SORBS2: variants seen among roughly 807,000 people sequenced by gnomAD.
SORBS2 encodes sorbin and SH3 domain containing 2.
A neutral mutation model predicts 97.7 loss-of-function variants in SORBS2; 46 were observed. The ratio of observed to expected loss-of-function variants is 0.47; its 90% CI spans 0.37 to 0.60. The LOEUF (loss-of-function observed/expected upper bound fraction) is 0.60. Ranked by LOEUF, SORBS2 falls within the 20% of genes least tolerant of loss-of-function variation. SORBS2 has a pLI of 0.00. For missense variants in SORBS2, 1,316 were observed against 1,282.3 expected, an observed-to-expected ratio of 1.03 and a Z score of -0.40; for synonymous variants, 476 against 473.4, an observed-to-expected ratio of 1.01 and a Z score of -0.07.
chr4:185,795,273 A>G (rs35944848), intron 1 of SORBS2, among the ~76,000 whole-genome samples: 17,504 of 152,122 alleles, frequency 0.12, 1,261 homozygotes, highest in Non-Finnish European at 0.16. Flanking sequence ...TGAGACTCCA[A>G]TCTCACATCC....
intron 1 of SORBS2, among the ~76,000 whole-genome samples, chr4:185,924,442 T>A (rs2099262504): frequency 6.6e-6 from 1 of 152,234 alleles, no homozygotes; most frequent in Non-Finnish European, 1.5e-5. Flanking sequence ...AAGAAACATT[T>A]CTTGCCTAGC....
chr4:185,723,293 C>T (rs934611822), intron 2 of SORBS2, among the ~76,000 whole-genome samples: 4 of 152,192 alleles, frequency 2.6e-5, no homozygotes, highest in Admixed American at 2.6e-4. Flanking sequence ...GAGACAAGGA[C>T]TGTTTCACTC....
chr4:185,678,420 T>C lies in SORBS2; in HGVS notation c.-46+3A>G, dbSNP rs1342522940. 6.5e-7 allele frequency: 1 copy of C among 1,549,270 alleles called. No individual in the cohort carries two copies. The highest frequency in any genetic ancestry group is 1.4e-5 in the African/African-American group (1 of 73,004). On this transcript the variant is annotated splice_donor_region_variant and intron_variant, in intron 4 of 20. Coordinates refer to the SORBS2 transcript ENST00000284776. The stretch of plus-strand genomic sequence containing the variant: ...TGCAGTAGCCAAGAGTGTGCAGGGT[T>C]ACCTGAGTTGGTGATCTTTTATCTT...
At chr4:185,825,547 A>C (rs1365567684) in intron 1 of SORBS2, among the ~76,000 whole-genome samples, 1 of 152,228 alleles carries the variant, frequency 6.6e-6, no homozygotes, top group Non-Finnish European at 1.5e-5. Flanking sequence ...AGTCGATCAG[A>C]AGGAAATGGT....
At chr4:185,789,045 G>T (rs2099068877) in intron 1 of SORBS2, among the ~76,000 whole-genome samples, 1 of 152,168 alleles carries the variant, frequency 6.6e-6, no homozygotes, top group South Asian at 2.1e-4. Flanking sequence ...ATGATTCCTG[G>T]GCCGCAGAAC....
At chr4:185,680,756 A>C (rs1046312702) in intron 2 of SORBS2, among the ~76,000 whole-genome samples, 1 of 152,072 alleles carries the variant, frequency 6.6e-6, no homozygotes. Flanking sequence ...GAGAAAGAAG[A>C]AGGTGTACTG....
chr4:185,638,117 AG>A (rs760432185), intron 4 of SORBS2: 23 of 1,611,804 alleles, frequency 1.4e-5, no homozygotes, highest in Non-Finnish European at 1.9e-5. Context: ...AATTTATACC[AG>A]GGCTCATTTT....
intron 11 of SORBS2, among the ~76,000 whole-genome samples, chr4:185,613,387 C>T (rs1255083499): frequency 1.3e-5 from 2 of 152,158 alleles, no homozygotes; most frequent in Non-Finnish European, 2.9e-5. Context: ...CAATCGCTCA[C>T]GCCTGTAATC....
rs376698895 is a variant in SORBS2, at chr4:185,954,119, G to C, written c.-338+2077C>G. Among the ~76,000 whole-genome samples, 236 of 152,100 alleles carry C rather than the reference G, an allele frequency of 1.6e-3. 3 individuals carry two copies. Among genetic ancestry groups the C allele is most frequent in the African/African-American group, 5.3e-3 (220 of 41,466 alleles). ...TAGATTTTATATATCTCAGGTATAA[G>C]GACACTTCTTATCATCCAAGATACC... On this transcript the variant is annotated intron_variant, in intron 1 of 20. Coordinates refer to the SORBS2 transcript ENST00000284776.
At chr4:185,862,775 C>G (rs1310084172) in intron 1 of SORBS2, among the ~76,000 whole-genome samples, 1 of 152,238 alleles carries the variant, frequency 6.6e-6, no homozygotes, top group African/African-American at 2.4e-5. Context: ...CCTTCAACCT[C>G]AGGTCCCCCT....
In SORBS2 at chr4:185,715,078, A is replaced by G. The variant is rs995179399; in HGVS notation, c.-197-36256T>C. ...CGACAGATTTTTTAAAAATATCAAC[A>G]TTTTCTCATTAATCTCCATGAATTT... On this transcript the variant is annotated intron_variant, in intron 2 of 20. Coordinates refer to the SORBS2 transcript ENST00000284776. Among the ~76,000 whole-genome samples, 3 of 152,220 alleles carry G rather than the reference A, an allele frequency of 2.0e-5. No individual in the cohort carries two copies. The East Asian group carries it at 5.8e-4, about 29-fold the overall frequency.
chr4:185,678,487 G>A, exon 4 of SORBS2: 1 of 1,550,672 alleles, frequency 6.4e-7, no homozygotes, highest in Non-Finnish European at 8.7e-7. Context: ...TGCTGCAAGA[G>A]AGGAATATGT....
chr4:185,806,457 T>A (rs1312371879), intron 1 of SORBS2, among the ~76,000 whole-genome samples: 1 of 98,858 alleles, frequency 1.0e-5, no homozygotes, highest in Non-Finnish European at 2.1e-5. Flanking sequence ...TTTTTTTTTT[T>A]TTTTTTTTTT....
chr4:185,759,102 CG>C (rs1174588575), intron 2 of SORBS2, among the ~76,000 whole-genome samples: 2 of 152,118 alleles, frequency 1.3e-5, no homozygotes, highest in African/African-American at 2.4e-5. Flanking sequence ...GGACAGTGCT[CG>C]GATTTGCATG....
intron 1 of SORBS2, among the ~76,000 whole-genome samples, chr4:185,885,195 A>G (rs2099238782): frequency 6.6e-6 from 1 of 152,240 alleles, no homozygotes; most frequent in South Asian, 2.1e-4. Flanking sequence ...TGGTCTTTGT[A>G]GCCCTCTGAT....
intron 12 of SORBS2, among the ~76,000 whole-genome samples, chr4:185,611,148 A>G (rs964235456): frequency 1.3e-5 from 2 of 152,160 alleles, no homozygotes; most frequent in Admixed American, 1.3e-4. Flanking sequence ...GAGGACTTAT[A>G]ATAACCGACA....
At chr4:185,868,416 A>C (rs1319418525) in intron 1 of SORBS2, among the ~76,000 whole-genome samples, 1 of 151,732 alleles carries the variant, frequency 6.6e-6, no homozygotes, top group Non-Finnish European at 1.5e-5. Flanking sequence ...TCGGCCTCCC[A>C]AAGTGCTGGG....
chr4:185,855,855 T>C lies in SORBS2; in HGVS notation c.-337-80489A>G, dbSNP rs79485728. On this transcript the variant is annotated intron_variant, in intron 1 of 20. Transcript: ENST00000284776. ...GCATGAAGATGCCATGTTCTTTTAG[T>C]TACTTGAAGTAAACTATGGTAAGTT... Among the ~76,000 whole-genome samples the C allele has an allele frequency of 9.8e-5, 15 of 152,334 alleles. No individual in the cohort carries two copies. The East Asian group carries it at 2.9e-3, about 29-fold the overall frequency.
chr4:185,832,740 C>A (rs186656792), intron 1 of SORBS2, among the ~76,000 whole-genome samples: 1 of 152,266 alleles, frequency 6.6e-6, no homozygotes, highest in Non-Finnish European at 1.5e-5. Context: ...TCTATGAAAC[C>A]TTCCTTGTAA....
Sources: allele counts gnomAD v4.1 joint callset (sites outside exome capture counted in the v4.1 genomes callset), GRCh38; gene constraint gnomAD v4.1.1; transcripts MANE v1.5; gene names NCBI Gene and HGNC (gene_info 2026-07-23, HGNC 2026-07-21).